Variants in HS6ST2 observed in about 807,000 individuals in gnomAD.
HS6ST2 encodes the protein heparan sulfate 6-O-sulfotransferase 2.
A neutral mutation model predicts 33.0 loss-of-function variants in HS6ST2; 17 were observed. The observed-to-expected ratio is 0.52, with a 90% confidence interval of 0.35 to 0.77. The LOEUF (loss-of-function observed/expected upper bound fraction) is 0.77, where lower values mean the gene tolerates loss of function less well. Among genes scored for constraint, HS6ST2 ranks in the 30% least tolerant of loss-of-function variants. The pLI, the probability that HS6ST2 is intolerant of heterozygous loss-of-function variation, is 0.01. For missense variants in HS6ST2, 519 were observed against 551.7 expected, an observed-to-expected ratio of 0.94 and a Z score of 0.59; for synonymous variants, 248 against 237.1, an observed-to-expected ratio of 1.05 and a Z score of -0.42.
intron 2 of HS6ST2, among the ~76,000 whole-genome samples, chrX:132,872,951 C>T (rs930755874): frequency 2.7e-5 from 3 of 111,662 alleles, no homozygotes; most frequent in Non-Finnish European, 3.8e-5. Flanking sequence ...AAGCAATGCA[C>T]TGCTGAGTCC....
intron 2 of HS6ST2, among the ~76,000 whole-genome samples, chrX:132,837,430 C>G (rs1172044107): frequency 9.0e-6 from 1 of 111,088 alleles, no homozygotes; most frequent in African/African-American, 3.3e-5. Context: ...TCATAAATGG[C>G]CTTGTGACTT....
At chrX:132,944,094 A>G (rs1246193503) in intron 2 of HS6ST2, among the ~76,000 whole-genome samples, 6 of 111,634 alleles carry the variant, frequency 5.4e-5, no homozygotes, top group East Asian at 2.8e-4. Context: ...TGACATGACT[A>G]TATATCTAGA....
chrX:132,880,256 C>T (rs1602796562), intron 2 of HS6ST2, among the ~76,000 whole-genome samples: 1 of 111,760 alleles, frequency 8.9e-6, no homozygotes, highest in Non-Finnish European at 1.9e-5. Flanking sequence ...TTCAGAGAGG[C>T]CAGGTGCGGT....
intron 2 of HS6ST2, among the ~76,000 whole-genome samples, chrX:132,722,553 T>C (rs753680427): frequency 2.7e-5 from 3 of 112,277 alleles, no homozygotes; most frequent in Admixed American, 9.4e-5. Flanking sequence ...TTCCCCAGAA[T>C]GTTTTTGAAA....
At chrX:132,722,187 C>CAAAA (rs1217492848) in intron 2 of HS6ST2, among the ~76,000 whole-genome samples, 8 of 44,276 alleles carry the variant, frequency 1.8e-4, no homozygotes, top group Non-Finnish European at 2.4e-4. Context: ...GACTCCGTCT[C>CAAAA]AAAAAAAAAA....
intron 2 of HS6ST2, among the ~76,000 whole-genome samples, chrX:132,822,778 G>C (rs1481484518): frequency 8.9e-6 from 1 of 112,165 alleles, no homozygotes; most frequent in Non-Finnish European, 1.9e-5. Flanking sequence ...GAGGGAAAAT[G>C]TTTATCAACC....
At chrX:132,794,555 G>GGATGATGAT (rs111313658) in intron 2 of HS6ST2, among the ~76,000 whole-genome samples, 60 of 92,254 alleles carry the variant, frequency 6.5e-4, no homozygotes, top group African/African-American at 2.5e-3. Flanking sequence ...CACCACTCCT[G>GGATGATGAT]GATGATGATG....
At chrX:132,671,270 G>T (rs1041277483) in intron 3 of HS6ST2, among the ~76,000 whole-genome samples, 6 of 111,382 alleles carry the variant, frequency 5.4e-5, no homozygotes, top group African/African-American at 2.0e-4. Flanking sequence ...TGGCCACTGA[G>T]CCTTCCTCCT....
intron 2 of HS6ST2, among the ~76,000 whole-genome samples, chrX:132,935,238 G>C: frequency 2.0e-5 from 1 of 49,406 alleles, no homozygotes; most frequent in East Asian, 7.0e-4. Context: ...AGTCTAAACA[G>C]CACAATAAAC....
At chrX:132,941,758 T>C (rs1712806145) in intron 2 of HS6ST2, among the ~76,000 whole-genome samples, 1 of 111,546 alleles carries the variant, frequency 9.0e-6, no homozygotes, top group South Asian at 3.8e-4. Flanking sequence ...TATAAAAGCT[T>C]CCAGAAGATT....
At chrX:132,803,172 T>C (rs1333134786) in intron 2 of HS6ST2, among the ~76,000 whole-genome samples, 1 of 111,739 alleles carries the variant, frequency 8.9e-6, no homozygotes, top group Non-Finnish European at 1.9e-5. Flanking sequence ...TTGCCCCTTA[T>C]TGGCCCCCTA....
intron 2 of HS6ST2, among the ~76,000 whole-genome samples, chrX:132,818,256 G>A (rs931326861): frequency 3.6e-5 from 4 of 111,129 alleles, no homozygotes; most frequent in Admixed American, 9.6e-5. Flanking sequence ...GGACTGCAGG[G>A]TAGAAGAGCT....
intron 2 of HS6ST2, among the ~76,000 whole-genome samples, chrX:132,869,669 ATGATTATCTC>A (rs2066036679): frequency 8.9e-6 from 1 of 112,064 alleles, no homozygotes; most frequent in East Asian, 2.8e-4. Flanking sequence ...CAAAAACCAC[ATGATTATCTC>A]AATACATGCA....
intron 3 of HS6ST2, among the ~76,000 whole-genome samples, chrX:132,701,800 C>G (rs955178226): frequency 1.8e-5 from 2 of 112,228 alleles, no homozygotes; most frequent in African/African-American, 6.5e-5. Flanking sequence ...TGGCACCTAA[C>G]TCACTAGCAA....
intron 2 of HS6ST2, among the ~76,000 whole-genome samples, chrX:132,709,841 A>AC (rs1569482883): frequency 3.6e-5 from 4 of 109,876 alleles, no homozygotes; most frequent in East Asian, 2.9e-4. Flanking sequence ...ACACACACAC[A>AC]AGAAAATATT....
At chrX:132,775,467 G>A (rs750370755) in intron 2 of HS6ST2, among the ~76,000 whole-genome samples, 4 of 111,885 alleles carry the variant, frequency 3.6e-5, no homozygotes, top group African/African-American at 9.7e-5. Flanking sequence ...CTGATTCTGC[G>A]AGCTTATCCT....
At chrX:132,951,358 C>T (rs2067014230) in intron 2 of HS6ST2, among the ~76,000 whole-genome samples, 1 of 110,817 alleles carries the variant, frequency 9.0e-6, no homozygotes, top group Non-Finnish European at 1.9e-5. Context: ...GCCAGACCTG[C>T]CTAGGTGAGG....
chrX:132,931,731 C>T (rs1367753785), intron 2 of HS6ST2, among the ~76,000 whole-genome samples: 10 of 111,043 alleles, frequency 9.0e-5, no homozygotes, highest in Non-Finnish European at 1.5e-4. Context: ...CCCTAAAGGT[C>T]CTCTGAGAAA....
At chrX:132,939,206 G>A (rs1050474372) in intron 2 of HS6ST2, among the ~76,000 whole-genome samples, 1 of 111,824 alleles carries the variant, frequency 8.9e-6, no homozygotes, top group African/African-American at 3.3e-5. Context: ...ATTTCAACAT[G>A]AGATTGTGGG....
Sources: allele counts gnomAD v4.1 joint callset (sites outside exome capture counted in the v4.1 genomes callset), GRCh38; gene constraint gnomAD v4.1.1; transcripts MANE v1.5; gene names NCBI Gene and HGNC (gene_info 2026-07-23, HGNC 2026-07-21).